CPLX2: variants seen among roughly 807,000 people sequenced by gnomAD.
CPLX2 encodes the protein complexin 2, also known as complexin-2.
CPLX2 carries 5 observed loss-of-function variants against 16.3 expected under a neutral mutation model. That is an observed-to-expected ratio of 0.31 (90% confidence interval 0.16 to 0.64). CPLX2 has a LOEUF of 0.64. Ranked by LOEUF, CPLX2 falls within the 30% of genes least tolerant of loss-of-function variation. The pLI is 0.79. For missense variants in CPLX2, 144 were observed against 181.4 expected, an observed-to-expected ratio of 0.79 and a Z score of 1.18; for synonymous variants, 89 against 73.2, an observed-to-expected ratio of 1.22 and a Z score of -1.10.
chr5:175,826,124 C>T (rs114384523), intron 2 of CPLX2, among the ~76,000 whole-genome samples: 4 of 151,824 alleles, frequency 2.6e-5, no homozygotes, highest in Non-Finnish European at 5.9e-5. Context: ...TAGAGGGCTG[C>T]GATAAAGGTG....
intron 2 of CPLX2, among the ~76,000 whole-genome samples, chr5:175,846,736 A>G (rs1759050550): frequency 6.6e-6 from 1 of 151,806 alleles, no homozygotes. Flanking sequence ...CCCCAACTCA[A>G]TGCCACTCCC....
chr5:175,840,680 C>T (rs772676123), intron 2 of CPLX2, among the ~76,000 whole-genome samples: 3 of 152,208 alleles, frequency 2.0e-5, no homozygotes, highest in Admixed American at 6.5e-5. Flanking sequence ...AATGCAAAGG[C>T]ATGAAGTTCT....
intron 2 of CPLX2, among the ~76,000 whole-genome samples, chr5:175,861,002 A>C (rs1383605552): frequency 6.6e-6 from 1 of 152,102 alleles, no homozygotes; most frequent in Admixed American, 6.5e-5. Flanking sequence ...ATACAAAAAA[A>C]AAAAAAAAGC....
At chr5:175,854,571 A>C (rs1456390947) in intron 2 of CPLX2, among the ~76,000 whole-genome samples, 1 of 152,168 alleles carries the variant, frequency 6.6e-6, no homozygotes, top group Non-Finnish European at 1.5e-5. Flanking sequence ...GGTGGTGAGC[A>C]CTCATTATCA....
intron 2 of CPLX2, among the ~76,000 whole-genome samples, chr5:175,862,837 A>T (rs1305845990): frequency 6.6e-6 from 1 of 152,200 alleles, no homozygotes; most frequent in Non-Finnish European, 1.5e-5. Flanking sequence ...AGTCCAGCCC[A>T]GTTCATGTGA....
chr5:175,828,160 A>G (rs947060818), intron 2 of CPLX2, among the ~76,000 whole-genome samples: 7 of 152,256 alleles, frequency 4.6e-5, no homozygotes, highest in Non-Finnish European at 8.8e-5. Context: ...CTGATAAAAA[A>G]TACCTAATAT....
intron 2 of CPLX2, among the ~76,000 whole-genome samples, chr5:175,861,177 CAGGCA>C (rs2113689828): frequency 6.6e-6 from 1 of 152,244 alleles, no homozygotes; most frequent in East Asian, 1.9e-4. Context: ...GGGGCAATGC[CAGGCA>C]TGTATTCTAC....
chr5:175,798,560 GC>G (rs1758034800), intron 1 of CPLX2, among the ~76,000 whole-genome samples: 1 of 152,184 alleles, frequency 6.6e-6, no homozygotes, highest in Admixed American at 6.5e-5. Flanking sequence ...GTGTGTCAAG[GC>G]CAAGAGATGT....
chr5:175,825,446 T>C (rs912168860), intron 2 of CPLX2, among the ~76,000 whole-genome samples: 25 of 151,570 alleles, frequency 1.6e-4, no homozygotes, highest in African/African-American at 6.1e-4. Context: ...TACTTAGAAA[T>C]GGCATCCTCT....
At chr5:175,878,398 T>A (rs1433378648) in intron 1 of CPLX2, 2 of 380,826 alleles carry the variant, frequency 5.3e-6, no homozygotes, top group Non-Finnish European at 9.4e-6. Flanking sequence ...CAATCAAATC[T>A]GAACAATAGG....
chr5:175,828,394 C>T (rs982522681), intron 2 of CPLX2, among the ~76,000 whole-genome samples: 7 of 152,120 alleles, frequency 4.6e-5, no homozygotes, highest in East Asian at 1.9e-4. Context: ...GTGGAAGCAA[C>T]GCACGTTAGA....
chr5:175,860,785 A>G (rs1759358535), intron 2 of CPLX2, among the ~76,000 whole-genome samples: 1 of 152,146 alleles, frequency 6.6e-6, no homozygotes, highest in Non-Finnish European at 1.5e-5. Context: ...TCTAATGCCC[A>G]CCCATGGCAG....
At chr5:175,851,023 G>T (rs1355786626) in intron 2 of CPLX2, among the ~76,000 whole-genome samples, 2 of 151,930 alleles carry the variant, frequency 1.3e-5, no homozygotes, top group Non-Finnish European at 2.9e-5. Flanking sequence ...GCAGACCAGG[G>T]ATTTGAGCTT....
In CPLX2 at chr5:175,879,961, C is replaced by A. The variant is rs547842894; in HGVS notation, c.321C>A (p.Asp107Glu). ...PKKAIPAGCG[D>E]EEEEEEESIL... ...AGGCCATCCCTGCGGGCTGCGGGGA[C>A]GAGGAGGAGGAGGAAGAGGAGAGCA... The change falls in exon 4 of 4, where the codon GAC becomes GAA. Residue 107 changes from aspartate (D) to glutamate (E), a missense_variant. Transcript: ENST00000393745. 1 of 1,608,600 alleles carries A rather than the reference C, an allele frequency of 6.2e-7. No homozygotes were observed. The highest frequency in any genetic ancestry group is 1.1e-5 in the South Asian group (1 of 90,642).
intron 2 of CPLX2, among the ~76,000 whole-genome samples, chr5:175,838,966 C>T (rs777699094): frequency 1.3e-5 from 2 of 152,156 alleles, no homozygotes; most frequent in Admixed American, 6.5e-5. Flanking sequence ...CAGAGCAGGC[C>T]GGCACTGTGA....
At chr5:175,843,498 CACAT>C (rs1277509435) in intron 2 of CPLX2, among the ~76,000 whole-genome samples, 5 of 152,246 alleles carry the variant, frequency 3.3e-5, no homozygotes, top group South Asian at 2.1e-4. Flanking sequence ...GTCACGCACA[CACAT>C]ACTCACCAAG....
intron 1 of CPLX2, among the ~76,000 whole-genome samples, chr5:175,797,432 G>T (rs2113616835): frequency 6.6e-6 from 1 of 152,230 alleles, no homozygotes; most frequent in South Asian, 2.1e-4. Flanking sequence ...TCCCGGCTCC[G>T]CTAGGCGGGC....
At chr5:175,866,272 G>C (rs1007832671) in intron 2 of CPLX2, among the ~76,000 whole-genome samples, 1 of 152,246 alleles carries the variant, frequency 6.6e-6, no homozygotes, top group Non-Finnish European at 1.5e-5. Context: ...CATCAGAGAA[G>C]AGTTCTTAAT....
intron 2 of CPLX2, among the ~76,000 whole-genome samples, chr5:175,835,117 T>G (rs1420369280): frequency 1.3e-5 from 2 of 152,200 alleles, no homozygotes; most frequent in Non-Finnish European, 2.9e-5. Flanking sequence ...TTTTGTTAAT[T>G]TATCTTAAAC....
Sources: allele counts gnomAD v4.1 joint callset (sites outside exome capture counted in the v4.1 genomes callset), GRCh38; gene constraint gnomAD v4.1.1; transcripts MANE v1.5; gene names NCBI Gene and HGNC (gene_info 2026-07-23, HGNC 2026-07-21).